Variants in TTC17 observed in about 807,000 individuals in gnomAD.
TTC17 encodes tetratricopeptide repeat protein 17.
TTC17 carries 58 observed loss-of-function variants against 143.8 expected under a neutral mutation model. That is an observed-to-expected ratio of 0.40 (90% CI 0.33 to 0.50). TTC17 has a LOEUF of 0.50. TTC17 is among the 20% of genes least tolerant of loss of function. TTC17 has a pLI of 0.49. For synonymous variants in TTC17, 501 were observed against 497.8 expected (o/e 1.01, Z -0.09); for missense variants, 1,273 against 1,392.5 (o/e 0.91, Z 1.37).
intron 2 of TTC17, among the ~76,000 whole-genome samples, chr11:43,379,677 A>G (rs1020007214): frequency 2.6e-5 from 4 of 152,216 alleles, no homozygotes; most frequent in Non-Finnish European, 4.4e-5. Context: ...ATAAAATATG[A>G]AAAGAAAGAA....
At chr11:43,379,511 T>C (rs1856885064) in intron 2 of TTC17, among the ~76,000 whole-genome samples, 189 bp downstream of exon 2, 1 of 152,176 alleles carries the variant, frequency 6.6e-6, no homozygotes, top group Non-Finnish European at 1.5e-5. Context: ...CAAAGTGATA[T>C]TTGAGTAGTA....
At chr11:43,367,018 C>T (rs1159718427) in intron 1 of TTC17, among the ~76,000 whole-genome samples, 3 of 152,164 alleles carry the variant, frequency 2.0e-5, no homozygotes, top group African/African-American at 7.2e-5. Context: ...CCATAGCATC[C>T]TGAATTCCTT....
At chr11:43,429,402 A>G (rs952210572) in intron 16 of TTC17, among the ~76,000 whole-genome samples, 3 of 152,216 alleles carry the variant, frequency 2.0e-5, no homozygotes, top group African/African-American at 7.2e-5. Context: ...TCATAAAGGT[A>G]TCTATTCCCA....
chr11:43,387,686 C>G (rs1203671797), intron 2 of TTC17, among the ~76,000 whole-genome samples: 3 of 152,054 alleles, frequency 2.0e-5, no homozygotes, highest in African/African-American at 7.2e-5. Context: ...AAAGAAAGAA[C>G]ATGGTGAAGC....
chr11:43,460,679 T>A lies in TTC17; in HGVS notation c.3030+9414T>A, dbSNP rs182590744. Among the ~76,000 whole-genome samples the A allele has an allele frequency of 4.7e-4, 72 of 152,360 alleles. 1 individual carries two copies. Among genetic ancestry groups the A allele is most frequent in the Middle Eastern group, 6.8e-3 (2 of 294 alleles). On this transcript the variant is annotated intron_variant, in intron 21 of 23. Coordinates refer to ENST00000039989, the MANE Select transcript of TTC17 (RefSeq NM_018259.6). ...ACTGGACTCAGCTGGGCATTTCTTC[T>A]GGTCTCACCTGGAGTCATTTATGCA...
At chr11:43,365,142 C>G (rs1002511449) in intron 1 of TTC17, among the ~76,000 whole-genome samples, 1 of 152,082 alleles carries the variant, frequency 6.6e-6, no homozygotes, top group Admixed American at 6.6e-5. Context: ...ACTCTGTCAC[C>G]CAGGCTAGAG....
rs751719891 is a variant in TTC17, at chr11:43,443,301, A to G, written c.2252-24A>G. Reference sequence around the variant, plus strand: ...GAATGAGTACTGTGTACCTTTTACTAACGTGCTGGCCCTTGAATTTCAGGT... The same window carrying G: ...GAATGAGTACTGTGTACCTTTTACTGACGTGCTGGCCCTTGAATTTCAGGT... On this transcript the variant is annotated intron_variant, in intron 16 of 23. Transcript: ENST00000039989. 3 of 1,611,602 alleles carry G rather than the reference A, an allele frequency of 1.9e-6. No individual in the cohort carries two copies. The East Asian group carries it at 6.7e-5, about 36-fold the overall frequency.
At chr11:43,384,181 CA>C (rs1857084515) in intron 2 of TTC17, among the ~76,000 whole-genome samples, 1 of 150,464 alleles carries the variant, frequency 6.6e-6, no homozygotes, top group African/African-American at 2.4e-5. Context: ...ACCAAACTTA[CA>C]AATAAAAAAA....
At chr11:43,400,788 G>T (rs972633469) in intron 9 of TTC17, among the ~76,000 whole-genome samples, 5 of 152,140 alleles carry the variant, frequency 3.3e-5, no homozygotes, top group Non-Finnish European at 4.4e-5. Flanking sequence ...ACTTGGGTTG[G>T]CATGAGAACA....
intron 3 of TTC17, 151 bp from the exon 4 acceptor site, chr11:43,391,314 G>A (rs1384019997): frequency 1.6e-5 from 9 of 556,230 alleles, no homozygotes; most frequent in South Asian, 1.2e-4. Flanking sequence ...TGAGAGGATC[G>A]CTTGAGACTA....
At chr11:43,452,507 T>TAATG (rs559203246) in intron 21 of TTC17, among the ~76,000 whole-genome samples, 552 of 148,834 alleles carry the variant, frequency 3.7e-3, no homozygotes, top group South Asian at 0.018. Context: ...TCTCAATAAA[T>TAATG]AATGAATGAA....
intron 3 of TTC17, among the ~76,000 whole-genome samples, chr11:43,390,707 T>TA (rs1317034230): frequency 1.3e-5 from 2 of 149,674 alleles, no homozygotes; most frequent in Non-Finnish European, 3.0e-5. Flanking sequence ...AATTTGTAGT[T>TA]AAAAAAATTA....
intron 16 of TTC17, among the ~76,000 whole-genome samples, chr11:43,441,207 G>T (rs1032134447): frequency 6.6e-6 from 1 of 150,774 alleles, no homozygotes; most frequent in Non-Finnish European, 1.5e-5. Flanking sequence ...GGAGGCAGAG[G>T]TTTAAGTGAG....
intron 21 of TTC17, among the ~76,000 whole-genome samples, chr11:43,482,838 TTTCTAAG>T (rs1246912373): frequency 6.6e-6 from 1 of 152,130 alleles, no homozygotes. Flanking sequence ...GATTTGTGTA[TTTCTAAG>T]TTCTGTTACT....
Position 43,399,894 on chromosome 11 carries a change from C to T in TTC17, c.1065C>T (p.Leu355=), listed in dbSNP as rs1281967075. 1 of 1,608,170 alleles carries T rather than the reference C, an allele frequency of 6.2e-7. No homozygotes were observed. The highest frequency in any genetic ancestry group is 8.5e-7 in the Non-Finnish European group (1 of 1,178,008). The change falls in exon 9 of 24, where the codon CTC becomes CTT. Residue 355 remains leucine (L), a synonymous_variant. Coordinates refer to ENST00000039989, the MANE Select transcript of TTC17 (RefSeq NM_018259.6). ...GGTATTAAAAAATGTTAAGATCTCT[C>T]CAGCGAACACTGAATGAGTTAAAAG... The part of the protein sequence containing the change: ...EQKLEAQHRS[L]QRTLNELKEY...
intron 21 of TTC17, among the ~76,000 whole-genome samples, chr11:43,468,673 A>G (rs1240290043): frequency 6.6e-6 from 1 of 152,154 alleles, no homozygotes; most frequent in East Asian, 1.9e-4. Flanking sequence ...GGTGGCTGAC[A>G]CCTCCAATCC....
At chr11:43,365,649 T>C (rs1162316312) in intron 1 of TTC17, among the ~76,000 whole-genome samples, 1 of 152,212 alleles carries the variant, frequency 6.6e-6, no homozygotes, top group Non-Finnish European at 1.5e-5. Flanking sequence ...TTTAGATAAG[T>C]AGTTCTCAAA....
At chr11:43,371,703 T>G (rs934459581) in intron 1 of TTC17, among the ~76,000 whole-genome samples, 2 of 152,188 alleles carry the variant, frequency 1.3e-5, no homozygotes, top group Non-Finnish European at 2.9e-5. Flanking sequence ...TAATCATGCC[T>G]TAGTCTTTCC....
intron 23 of TTC17, among the ~76,000 whole-genome samples, chr11:43,493,231 T>C (rs1948503541): frequency 6.6e-6 from 1 of 152,178 alleles, no homozygotes; most frequent in Non-Finnish European, 1.5e-5. Context: ...CATTTCCCAA[T>C]CTTTGTTGGC....
Sources: gnomAD v4.1 joint callset for allele counts (sites outside exome capture counted in the v4.1 genomes callset) on GRCh38, gnomAD v4.1.1 for gene constraint, MANE v1.5 for transcripts, NCBI Gene and HGNC (gene_info 2026-07-23, HGNC 2026-07-21) for gene names.